PFKP: variants seen among roughly 807,000 people sequenced by gnomAD.
The protein encoded by PFKP is phosphofructokinase, platelet, also known as ATP-dependent 6-phosphofructokinase, platelet type.
In PFKP, 101 loss-of-function variants were observed where a neutral mutation model predicts 94.3. The observed-to-expected ratio is 1.07, with a 90% CI of 0.91 to 1.26. The LOEUF (loss-of-function observed/expected upper bound fraction) is 1.26. PFKP is among the 50% of genes most tolerant of loss of function. PFKP has a pLI of 0.00. For missense variants in PFKP, 1,145 were observed against 1,103.3 expected (o/e 1.04, Z -0.53); for synonymous variants, 573 against 432.6 (o/e 1.32, Z -4.03).
At chr10:3,067,855 G>C (rs976463224) in intron 1 of PFKP, 148 bp downstream of exon 1, 8 of 478,138 alleles carry the variant, frequency 1.7e-5, no homozygotes, top group Non-Finnish European at 2.9e-5. Context: ...GGAGAACCGG[G>C]GAGAAGAGCG....
At chr10:3,114,649 G>A (rs1836610101) in intron 13 of PFKP, among the ~76,000 whole-genome samples, 1 of 152,238 alleles carries the variant, frequency 6.6e-6, no homozygotes, top group Non-Finnish European at 1.5e-5. Flanking sequence ...GCAATGCTGG[G>A]GAAGGTGCTC....
intron 3 of PFKP, among the ~76,000 whole-genome samples, chr10:3,099,817 G>T (rs1227327946): frequency 6.6e-6 from 1 of 151,998 alleles, no homozygotes; most frequent in African/African-American, 2.4e-5. Flanking sequence ...ACGGAGAGTT[G>T]AAGTGCGTAT....
At chr10:3,100,820 C>T (rs1164196482) in intron 3 of PFKP, 2 of 631,828 alleles carry the variant, frequency 3.2e-6, no homozygotes, top group African/African-American at 2.0e-5. Flanking sequence ...ATTTAAGATC[C>T]TGAAGATATA....
rs762200045 is a variant in PFKP at position 3,119,970 on chromosome 10, G to A, written c.1609G>A (p.Ala537Thr). Residue 537 changes from alanine to threonine, a missense_variant, in exon 16 of 22, where the codon GCT becomes ACT. This residue lies in a region of PFKP where 1,119 missense variants were observed against 1,062.8 expected (regional missense o/e 1.05). Coordinates refer to ENST00000381125, the MANE Select transcript of PFKP (RefSeq NM_002627.5). ...CTGTGTCCCCATGGTCATGGTTCCC[G>A]CTACTGTGTCCAACAATGTGCCGGG... is the stretch of plus-strand genomic sequence containing the variant. ...EFCVPMVMVP[A>T]TVSNNVPGSD... The A allele has an allele frequency of 1.3e-5, 21 of 1,613,952 alleles. No homozygotes were observed. The highest frequency in any genetic ancestry group is 3.3e-5 in the South Asian group (3 of 91,074).
intron 20 of PFKP, among the ~76,000 whole-genome samples, chr10:3,135,264 G>A (rs934764934): frequency 2.6e-5 from 4 of 152,058 alleles, no homozygotes; most frequent in African/African-American, 9.6e-5. Context: ...ATCACTGCCA[G>A]TGTCCAACTT....
intron 1 of PFKP, among the ~76,000 whole-genome samples, chr10:3,077,152 TG>T (rs1234921109): frequency 6.6e-6 from 1 of 151,850 alleles, no homozygotes; most frequent in Non-Finnish European, 1.5e-5. Flanking sequence ...GGCTCAGTGC[TG>T]TGAGAGAGGG....
chr10:3,136,430 G>C lies in PFKP; in HGVS notation c.2226-20G>C. The C allele has an allele frequency of 6.2e-7, 1 of 1,613,062 alleles. No homozygotes were observed. The highest frequency in any genetic ancestry group is 8.5e-7 in the Non-Finnish European group (1 of 1,179,402). On this transcript the variant is annotated intron_variant, in intron 21 of 21. Coordinates refer to ENST00000381125, the MANE Select transcript of PFKP (RefSeq NM_002627.5). ...GCCAGTGACTGCAGGCCTCACTGCT[G>C]TCTCCTCTTACCTCCACAGGCACAG...
chr10:3,112,366 T>C, intron 11 of PFKP, 80 bp downstream of exon 11: 2 of 1,031,132 alleles, frequency 1.9e-6, no homozygotes, highest in African/African-American at 1.6e-5. Context: ...TGCTTAGGGG[T>C]TGTGCTTATT....
At chr10:3,118,927 C>A in intron 15 of PFKP, 58 bp downstream of exon 15, 2 of 1,352,976 alleles carry the variant, frequency 1.5e-6, no homozygotes, top group Non-Finnish European at 2.1e-6. Context: ...CCTGTGTTGG[C>A]TAAACATTAA....
At chr10:3,129,796 A>G in intron 16 of PFKP, 23 bp from the exon 17 acceptor site, 1 of 1,612,288 alleles carries the variant, frequency 6.2e-7, no homozygotes, top group South Asian at 1.1e-5. Context: ...GGCTGGAGTG[A>G]CTGATCGCTT....
At chr10:3,069,357 C>A in intron 1 of PFKP, 1 of 1,589,526 alleles carries the variant, frequency 6.3e-7, no homozygotes, top group Non-Finnish European at 8.6e-7. Context: ...ATAGCCTGGC[C>A]CGCGTGACTT....
intron 16 of PFKP, among the ~76,000 whole-genome samples, chr10:3,124,654 G>C (rs1426192531): frequency 1.3e-5 from 2 of 152,202 alleles, no homozygotes; most frequent in East Asian, 3.9e-4. Flanking sequence ...CATTTGGTGT[G>C]GTCCTTACAG....
chr10:3,067,550 T>G lies in PFKP; in HGVS notation c.-46T>G, dbSNP rs1264103511. ...AGGCGCGCGCGGGCAGGGTCCCCAT[T>G]GCCTGCTGCGCACCCGGACGTGCGG... On this transcript the variant is annotated 5_prime_UTR_variant, in exon 1 of 22. The change creates a new upstream start codon in the 5' untranslated region. Transcript: ENST00000381125. 10 of 1,066,116 alleles carry G rather than the reference T, an allele frequency of 9.4e-6. No homozygotes were observed. Among genetic ancestry groups the G allele is most frequent in the Middle Eastern group, 2.3e-4 (1 of 4,388 alleles). 66.0% of individuals were successfully genotyped at this position (1,066,116 alleles called of 1,614,324 possible).
intron 1 of PFKP, among the ~76,000 whole-genome samples, chr10:3,072,825 A>T (rs1469114411): frequency 6.6e-6 from 1 of 152,012 alleles, no homozygotes; most frequent in Non-Finnish European, 1.5e-5. Flanking sequence ...AAGATACGGT[A>T]ACGTAGTCAG....
chr10:3,119,777 G>T, intron 15 of PFKP, 115 bp from the exon 16 acceptor site: 1 of 513,136 alleles, frequency 1.9e-6, no homozygotes, highest in Non-Finnish European at 2.9e-6. Context: ...TTTTCGTGAT[G>T]CCCCAGTGTG....
chr10:3,069,350 G>A, intron 1 of PFKP: 1 of 1,587,936 alleles, frequency 6.3e-7, no homozygotes. Flanking sequence ...AGTGGAAATA[G>A]CCTGGCCCGC....
intron 4 of PFKP, among the ~76,000 whole-genome samples, chr10:3,102,227 G>A (rs1436130549): frequency 2.5e-5 from 3 of 120,826 alleles, no homozygotes; most frequent in African/African-American, 6.3e-5. Context: ...CTCCAGCCTG[G>A]GCGACAGAGC....
At chr10:3,105,687 A>T (rs1367923792) in intron 7 of PFKP, among the ~76,000 whole-genome samples, 186 bp downstream of exon 7, 7 of 152,124 alleles carry the variant, frequency 4.6e-5, no homozygotes, top group Admixed American at 1.3e-4. Flanking sequence ...GCTGAGACTC[A>T]AGGCAGAAGA....
At position 3,136,727 on chromosome 10, in the gene PFKP, C is replaced by G. The variant is rs959403426; in HGVS notation, c.*148C>G. On this transcript the variant is annotated 3_prime_UTR_variant, in exon 22 of 22. Transcript: ENST00000381125. ...TCTGCCCCACCTGCTCCAGTGCGTG[C>G]TGTCTGTGGAGTGTGTCTCATGCTT... The G allele has an allele frequency of 5.7e-6, 4 of 705,052 alleles. No homozygotes were observed. Among genetic ancestry groups the G allele is most frequent in the Middle Eastern group, 3.9e-4 (1 of 2,534 alleles). The allele number at this position is 705,052 out of a possible 1,614,324, so 43.7% of individuals were successfully genotyped here.
Sources: allele counts gnomAD v4.1 joint callset (sites outside exome capture counted in the v4.1 genomes callset), GRCh38; gene constraint gnomAD v4.1.1; regional missense constraint gnomAD v4.1.1; transcripts MANE v1.5; gene names NCBI Gene and HGNC (gene_info 2026-07-23, HGNC 2026-07-21).